The following RO60 variants were observed in gnomAD, a reference collection of about 807,000 sequenced individuals.
RO60 encodes Ro60, Y RNA binding protein, also known as RNA-binding protein RO60.
In RO60, 20 loss-of-function variants were observed where a neutral mutation model predicts 55.3. The ratio of observed to expected loss-of-function variants is 0.36; its 90% confidence interval spans 0.25 to 0.53. RO60 has a LOEUF of 0.53. Among genes scored for constraint, RO60 ranks in the 20% least tolerant of loss-of-function variants. The pLI is 0.92. For missense variants in RO60, 558 were observed against 646.6 expected (o/e 0.86, Z 1.49); for synonymous variants, 213 against 213.6 (o/e 1.00, Z 0.02).
At chr1:193,070,499 C>A in intron 2 of RO60, 1 of 396,966 alleles carries the variant, frequency 2.5e-6, no homozygotes, top group Non-Finnish European at 5.2e-6. Context: ...GTGTGAAGTT[C>A]CACAAAAATC....
chr1:193,064,751 T>C (rs1259805747), intron 1 of RO60, among the ~76,000 whole-genome samples: 1 of 152,226 alleles, frequency 6.6e-6, no homozygotes, highest in East Asian at 1.9e-4. Flanking sequence ...AGGGTTGTCA[T>C]TTATATCATA....
At chr1:193,076,425 A>T (rs539885728) in intron 3 of RO60, 76 bp from the exon 4 acceptor site, 22 of 1,468,854 alleles carry the variant, frequency 1.5e-5, no homozygotes, top group Non-Finnish European at 2.0e-5. Context: ...TATTATGAAT[A>T]TTTTTTTATA....
At position 193,085,022 on chromosome 1, in the gene RO60, A is replaced by G; in HGVS notation, c.*291A>G. 1 of 1,543,484 alleles carries G rather than the reference A, an allele frequency of 6.5e-7. No homozygotes were observed. The highest frequency in any genetic ancestry group is 8.7e-7 in the Non-Finnish European group (1 of 1,145,176). ...AAATAGTTTTGCTTTGTTGAATAAT[A>G]CGTGTGTACCTAAAAGAGGTAAGAG... On this transcript the variant is annotated 3_prime_UTR_variant, in exon 9 of 9. Coordinates refer to ENST00000400968, the MANE Select transcript of RO60 (RefSeq NM_001173524.2).
chr1:193,072,213 A>G (rs1036416506), intron 2 of RO60, among the ~76,000 whole-genome samples: 2 of 152,146 alleles, frequency 1.3e-5, no homozygotes, highest in African/African-American at 4.8e-5. Flanking sequence ...CATGTTGGTA[A>G]TGCTGGTCTC....
At chr1:193,072,634 T>A (rs1572079427) in intron 2 of RO60, among the ~76,000 whole-genome samples, 2 of 152,328 alleles carry the variant, frequency 1.3e-5, no homozygotes, top group Middle Eastern at 3.4e-3. Context: ...AAATTTTTTA[T>A]CCAAATATTT....
At position 193,060,278 on chromosome 1, in the gene RO60, A is replaced by T. The variant is rs1171671160; in HGVS notation, c.-22+502A>T. 11 of 361,084 alleles carry T rather than the reference A, an allele frequency of 3.0e-5. No homozygotes were observed. The East Asian group carries it at 7.9e-4, about 26-fold the overall frequency. 22.4% of individuals were successfully genotyped at this position (361,084 alleles called of 1,614,324 possible). ...AGGGGATGCGGTGCGTCAAGGGAAA[A>T]TTAGGTTGAAAACAAATGTCGTGTA... On this transcript the variant is annotated intron_variant, in intron 1 of 8. Coordinates refer to ENST00000400968, the MANE Select transcript of RO60 (RefSeq NM_001173524.2).
chr1:193,085,559 CTT>C lies in RO60; in HGVS notation c.*829_*830del, dbSNP rs1432605551. On this transcript the variant is annotated 3_prime_UTR_variant, in exon 9 of 9. Coordinates refer to ENST00000400968, the MANE Select transcript of RO60 (RefSeq NM_001173524.2). ...GTAGTCTCACACTGTTTTTCATACT[CTT>C]AAGTGTAAATAATATAAAATGTTTC... The C allele has an allele frequency of 1.2e-5, 12 of 984,178 alleles. No individual in the cohort carries two copies. Among genetic ancestry groups the C allele is most frequent in the East Asian group, 1.1e-4 (1 of 8,818 alleles). 61.0% of individuals were successfully genotyped at this position (984,178 alleles called of 1,614,324 possible). A position where few individuals can be genotyped will look rare whatever the true frequency, so the allele number is the denominator to read the frequency against.
At chr1:193,061,745 G>A (rs759727063) in intron 1 of RO60, among the ~76,000 whole-genome samples, 11 of 152,226 alleles carry the variant, frequency 7.2e-5, no homozygotes, top group African/African-American at 2.2e-4. Context: ...AGCACTTTGG[G>A]AGGCCCAGGC....
Position 193,085,135 on chromosome 1 carries a change from G to A in RO60, c.*404G>A. 1.4e-6 allele frequency: 2 copies of A among 1,394,318 alleles called. No individual in the cohort carries two copies. Among genetic ancestry groups the A allele is most frequent in the Non-Finnish European group, 1.9e-6 (2 of 1,073,940 alleles). 86.4% of individuals were successfully genotyped at this position (1,394,318 alleles called of 1,614,324 possible). A position where few individuals can be genotyped will look rare whatever the true frequency, so the allele number is the denominator to read the frequency against. On this transcript the variant is annotated 3_prime_UTR_variant, in exon 9 of 9. Coordinates refer to ENST00000400968, the MANE Select transcript of RO60 (RefSeq NM_001173524.2). ...ATTGGGAAAGGACAGCTTTGATAAT[G>A]TCCAAATACTCTGAAATGCACTAGA...
At chr1:193,060,293 A>G in intron 1 of RO60, 2 of 337,686 alleles carry the variant, frequency 5.9e-6, no homozygotes, top group Non-Finnish European at 1.1e-5. Context: ...GTTGAAAACA[A>G]ATGTCGTGTA....
chr1:193,084,085 T>G (rs1674498211), intron 8 of RO60, among the ~76,000 whole-genome samples: 4 of 152,242 alleles, frequency 2.6e-5, no homozygotes, highest in Admixed American at 2.6e-4. Flanking sequence ...TGATTGTTGG[T>G]TTTTCTCAAA....
At position 193,086,052 on chromosome 1, in the gene RO60, CTGT is replaced by C. The variant is rs1040859468; in HGVS notation, c.*1326_*1328del. 7.2e-6 allele frequency: 7 copies of C among 978,328 alleles called. No individual in the cohort carries two copies. The African/African-American group carries it at 1.1e-4, about 15-fold the overall frequency. The allele number at this position is 978,328 out of a possible 1,614,324, so 60.6% of individuals were successfully genotyped here. A position where few individuals can be genotyped will look rare whatever the true frequency, so the allele number is the denominator to read the frequency against. On this transcript the variant is annotated 3_prime_UTR_variant, in exon 9 of 9. Transcript: ENST00000400968. ...TTACACATAAAACCTGTTTGCGTAT[CTGT>C]TGTTCTCTAAATATTAATTGAAGAT...
At chr1:193,070,290 A>AAT (rs1433346957) in intron 2 of RO60, among the ~76,000 whole-genome samples, 1 of 152,196 alleles carries the variant, frequency 6.6e-6, no homozygotes, top group Admixed American at 6.5e-5. Flanking sequence ...AACCTAAAGG[A>AAT]ATATACCAGA....
intron 1 of RO60, among the ~76,000 whole-genome samples, chr1:193,060,994 A>T (rs1672611574): frequency 1.3e-5 from 2 of 152,242 alleles, no homozygotes; most frequent in African/African-American, 2.4e-5. Flanking sequence ...CAACTTAATT[A>T]ACATGGTACC....
Position 193,086,250 on chromosome 1 carries a change from A to G in RO60, c.*1519A>G, listed in dbSNP as rs1318540943. On this transcript the variant is annotated 3_prime_UTR_variant, in exon 9 of 9. Transcript: ENST00000400968. The stretch of plus-strand genomic sequence containing the variant: ...TACATATTTTCTTCTGTTTTATGTG[A>G]AATTTGGGCTCTGGGAATAAGAAAA... 1.9e-5 allele frequency: 3 copies of G among 157,696 alleles called. No individual in the cohort carries two copies. Among genetic ancestry groups the G allele is most frequent in the African/African-American group, 7.2e-5 (3 of 41,488 alleles). 9.8% of individuals were successfully genotyped at this position (157,696 alleles called of 1,614,324 possible). A position where few individuals can be genotyped will look rare whatever the true frequency, so the allele number is the denominator to read the frequency against.
At chr1:193,080,915 T>A (rs1674264462) in intron 5 of RO60, among the ~76,000 whole-genome samples, 2 of 152,194 alleles carry the variant, frequency 1.3e-5, no homozygotes, top group African/African-American at 2.4e-5. Flanking sequence ...TTTGGGATGA[T>A]GAAAAAGTTC....
At position 193,090,182 on chromosome 1, in the gene RO60, T is replaced by C. The variant is rs1674801739; in HGVS notation, c.*5451T>C. The C allele has an allele frequency of 6.6e-6, 1 of 152,146 alleles. No individual in the cohort carries two copies. The highest frequency in any genetic ancestry group is 2.4e-5 in the African/African-American group (1 of 41,418). The allele number at this position is 152,146 out of a possible 1,614,324, so 9.4% of individuals were successfully genotyped here. On this transcript the variant is annotated 3_prime_UTR_variant, in exon 9 of 9. Transcript: ENST00000400968. ...TGCTTGAACAAAGGAAATAGTAAAT[T>C]AGCTATATGTCTGCTGGTTTCACTT... is the stretch of plus-strand genomic sequence containing the variant.
In RO60 at chr1:193,059,908, C is replaced by T. The variant is rs1221319040; in HGVS notation, c.-22+132C>T. On this transcript the variant is annotated intron_variant, in intron 1 of 8. Transcript: ENST00000400968. This position sits in a 1 kb window ranked among gnomAD's most constrained non-coding sequence, Gnocchi z 4.9. ...CTGGGCAAACGCCGCGAAACTATCGCTCTTCCCCGTCCCGCTTCCGCGCCT... is the reference window on the plus strand; with the variant it reads ...CTGGGCAAACGCCGCGAAACTATCGTTCTTCCCCGTCCCGCTTCCGCGCCT... The T allele has an allele frequency of 5.9e-6, 8 of 1,365,814 alleles. No homozygotes were observed. The Admixed American group carries it at 1.3e-4, about 23-fold the overall frequency. 84.6% of individuals were successfully genotyped at this position (1,365,814 alleles called of 1,614,324 possible). A position where few individuals can be genotyped will look rare whatever the true frequency, so the allele number is the denominator to read the frequency against.
intron 1 of RO60, among the ~76,000 whole-genome samples, chr1:193,066,709 A>G (rs374952440): frequency 2.6e-5 from 4 of 152,336 alleles, no homozygotes; most frequent in East Asian, 1.9e-4. Flanking sequence ...CTTGTAATAT[A>G]TAAACATGTT....
Sources: allele counts gnomAD v4.1 joint callset (sites outside exome capture counted in the v4.1 genomes callset), GRCh38; gene constraint gnomAD v4.1.1; non-coding constraint Gnocchi (gnomAD v3.1); transcripts MANE v1.5; gene names NCBI Gene and HGNC (gene_info 2026-07-23, HGNC 2026-07-21).